The following RAB27B variants were observed in gnomAD, a reference collection of about 807,000 sequenced individuals.
The protein encoded by RAB27B is RAB27B, member RAS oncogene family.
Under a neutral mutation model 24.6 loss-of-function variants are expected in RAB27B, and 15 were observed. The ratio of observed to expected loss-of-function variants is 0.61; its 90% confidence interval spans 0.41 to 0.94. The LOEUF is 0.94. Among genes scored for constraint, RAB27B ranks in the 40% least tolerant of loss-of-function variants. The pLI is 0.00. For synonymous variants in RAB27B, 105 were observed against 92.5 expected, an observed-to-expected ratio of 1.14 and a Z score of -0.78; for missense variants, 261 against 266.8, an observed-to-expected ratio of 0.98 and a Z score of 0.15.
At chr18:54,819,506 T>C (rs1176392076) in intron 2 of RAB27B, among the ~76,000 whole-genome samples, 1 of 116,712 alleles carries the variant, frequency 8.6e-6, no homozygotes, top group African/African-American at 3.3e-5. Context: ...CACTCCAGCG[T>C]GGGCGACAGA....
intron 2 of RAB27B, among the ~76,000 whole-genome samples, chr18:54,789,270 A>T (rs1309061912): frequency 1.3e-5 from 2 of 152,180 alleles, no homozygotes; most frequent in African/African-American, 4.8e-5. Flanking sequence ...TATTCATACC[A>T]TTGGCTTTAT....
intron 2 of RAB27B, among the ~76,000 whole-genome samples, chr18:54,775,498 C>T (rs1042300782): frequency 6.6e-6 from 1 of 152,170 alleles, no homozygotes; most frequent in Admixed American, 6.5e-5. Context: ...GAAACTCTTC[C>T]TATTTCTGTC....
intron 5 of RAB27B, 142 bp from the exon 6 acceptor site, chr18:54,889,082 C>G: frequency 1.3e-6 from 1 of 755,180 alleles, no homozygotes; most frequent in Non-Finnish European, 2.0e-6. Context: ...AACAAGGATG[C>G]TTTCCAACTT....
At chr18:54,781,769 C>T (rs149603861) in intron 2 of RAB27B, among the ~76,000 whole-genome samples, 1 of 152,276 alleles carries the variant, frequency 6.6e-6, no homozygotes, top group African/African-American at 2.4e-5. Context: ...AGCTATATAA[C>T]CAATGAGCAA....
chr18:54,731,358 A>G (rs1045950787), intron 2 of RAB27B, among the ~76,000 whole-genome samples: 27 of 152,344 alleles, frequency 1.8e-4, no homozygotes, highest in African/African-American at 6.0e-4. Context: ...AACTGGGCAA[A>G]AATTCATAAT....
rs965114443 is a variant in RAB27B, at chr18:54,893,775, T to C, written c.*4362T>C. Reference sequence around the variant, plus strand: ...AGACCCAACTACAATGACATTGTCATGCCAGAACTATAAAGATAATTAGAG... The same window carrying C: ...AGACCCAACTACAATGACATTGTCACGCCAGAACTATAAAGATAATTAGAG... On this transcript the variant is annotated 3_prime_UTR_variant, in exon 6 of 6. Coordinates refer to ENST00000262094, the MANE Select transcript of RAB27B (RefSeq NM_004163.4). 2.6e-5 allele frequency: 4 copies of C among 151,962 alleles called. No individual in the cohort carries two copies. Among genetic ancestry groups the C allele is most frequent in the Non-Finnish European group, 4.4e-5 (3 of 67,912 alleles). The allele number at this position is 151,962 out of a possible 1,614,324, so 9.4% of individuals were successfully genotyped here.
chr18:54,813,197 T>C (rs1301987096), intron 2 of RAB27B, among the ~76,000 whole-genome samples: 1 of 152,144 alleles, frequency 6.6e-6, no homozygotes, highest in Non-Finnish European at 1.5e-5. Flanking sequence ...ATAAATAAGA[T>C]AGGAGTTTCT....
intron 1 of RAB27B, among the ~76,000 whole-genome samples, chr18:54,837,971 T>C (rs1419188064): frequency 6.6e-6 from 1 of 152,116 alleles, no homozygotes; most frequent in Non-Finnish European, 1.5e-5. Context: ...ATCAGGAATA[T>C]GTTCTAGTAC....
chr18:54,783,725 T>C (rs1908991004), intron 2 of RAB27B, among the ~76,000 whole-genome samples: 1 of 152,184 alleles, frequency 6.6e-6, no homozygotes. Flanking sequence ...TGCTCCTCTC[T>C]TGTCCCTGCT....
intron 2 of RAB27B, among the ~76,000 whole-genome samples, chr18:54,741,695 G>T (rs144118029): frequency 2.0e-5 from 3 of 152,094 alleles, no homozygotes; most frequent in Non-Finnish European, 2.9e-5. Context: ...TAGAGAGAGG[G>T]TCTCACCATG....
chr18:54,829,306 C>CCCA (rs1910585392), intron 1 of RAB27B, among the ~76,000 whole-genome samples: 2 of 152,188 alleles, frequency 1.3e-5, no homozygotes, highest in South Asian at 4.1e-4. Context: ...TCAAGACTTT[C>CCCA]CCACCCAATG....
chr18:54,751,198 G>A (rs747343498), intron 2 of RAB27B, among the ~76,000 whole-genome samples: 1 of 152,106 alleles, frequency 6.6e-6, no homozygotes, highest in Non-Finnish European at 1.5e-5. Flanking sequence ...TCATATGAGA[G>A]GGGAGGGACA....
chr18:54,768,050 T>C (rs920531935), intron 2 of RAB27B, among the ~76,000 whole-genome samples: 3 of 152,126 alleles, frequency 2.0e-5, no homozygotes, highest in African/African-American at 4.8e-5. Flanking sequence ...ATTACAGTAC[T>C]GTCTAGTAGG....
At chr18:54,747,052 T>C (rs1910272271) in intron 2 of RAB27B, among the ~76,000 whole-genome samples, 1 of 152,178 alleles carries the variant, frequency 6.6e-6, no homozygotes, top group Non-Finnish European at 1.5e-5. Flanking sequence ...AAAATGTGTA[T>C]CTGCTTTGGA....
chr18:54,739,402 G>T (rs1453644141), intron 2 of RAB27B, among the ~76,000 whole-genome samples: 18 of 147,998 alleles, frequency 1.2e-4, no homozygotes, highest in African/African-American at 4.3e-4. Flanking sequence ...GTTACAGTGA[G>T]CTGAGATCCT....
intron 2 of RAB27B, among the ~76,000 whole-genome samples, chr18:54,771,340 T>C (rs900528149): frequency 1.3e-5 from 2 of 152,106 alleles, no homozygotes; most frequent in African/African-American, 4.8e-5. Flanking sequence ...TGTGTGGAAG[T>C]TGAAGGATAC....
At chr18:54,829,940 A>G (rs190573536) in intron 1 of RAB27B, among the ~76,000 whole-genome samples, 6 of 152,336 alleles carry the variant, frequency 3.9e-5, no homozygotes, top group African/African-American at 7.2e-5. Flanking sequence ...CTTGACAGAT[A>G]GTTTAATATT....
At chr18:54,886,165 A>G (rs1281024609) in intron 4 of RAB27B, among the ~76,000 whole-genome samples, 1 of 151,864 alleles carries the variant, frequency 6.6e-6, no homozygotes, top group East Asian at 1.9e-4. Flanking sequence ...TTGACTGACC[A>G]CCCCATCTGA....
intron 2 of RAB27B, among the ~76,000 whole-genome samples, chr18:54,772,760 T>C (rs1908591122): frequency 6.6e-6 from 1 of 152,244 alleles, no homozygotes; most frequent in African/African-American, 2.4e-5. Context: ...TTCACTTATT[T>C]AACAAGTTTT....
Sources: allele counts gnomAD v4.1 joint callset (sites outside exome capture counted in the v4.1 genomes callset), GRCh38; gene constraint gnomAD v4.1.1; transcripts MANE v1.5; gene names NCBI Gene and HGNC (gene_info 2026-07-23, HGNC 2026-07-21).